The following ANKRD44 variants were observed in gnomAD, a reference collection of about 807,000 sequenced individuals.
ANKRD44 encodes the protein ankyrin repeat domain 44, also known as serine/threonine-protein phosphatase 6 regulatory ankyrin repeat subunit B.
Under a neutral mutation model 116.0 loss-of-function variants are expected in ANKRD44, and 35 were observed. The observed-to-expected ratio is 0.30, with a 90% CI of 0.23 to 0.40. ANKRD44 has a LOEUF of 0.40. ANKRD44 is among the 10% of genes least tolerant of loss of function. The pLI is 1.00. For synonymous variants in ANKRD44, 435 were observed against 461.8 expected (o/e 0.94, Z 0.74); for missense variants, 1,014 against 1,242.6 (o/e 0.82, Z 2.77).
chr2:197,147,575 CTTG>C (rs1189086267), intron 2 of ANKRD44, among the ~76,000 whole-genome samples: 1 of 152,012 alleles, frequency 6.6e-6, no homozygotes, highest in African/African-American at 2.4e-5. Flanking sequence ...CCTTTCTATG[CTTG>C]TTAATTGTTG....
At chr2:197,040,225 G>A (rs1042048277) in intron 16 of ANKRD44, among the ~76,000 whole-genome samples, 1 of 150,010 alleles carries the variant, frequency 6.7e-6, no homozygotes, top group African/African-American at 2.5e-5. Flanking sequence ...GCAACAGAGC[G>A]AGGCGAGACA....
At chr2:197,237,999 C>T (rs2082011727) in intron 1 of ANKRD44, among the ~76,000 whole-genome samples, 1 of 152,206 alleles carries the variant, frequency 6.6e-6, no homozygotes. Flanking sequence ...TCCAATTCAC[C>T]TTTCACATCT....
chr2:197,272,719 T>C (rs1451151149), intron 1 of ANKRD44, among the ~76,000 whole-genome samples: 2 of 152,150 alleles, frequency 1.3e-5, no homozygotes, highest in Non-Finnish European at 2.9e-5. Context: ...TTCCATCATG[T>C]GAGGACGCAG....
chr2:196,997,780 T>C (rs1356813394), intron 25 of ANKRD44, among the ~76,000 whole-genome samples: 2 of 150,330 alleles, frequency 1.3e-5, no homozygotes, highest in Non-Finnish European at 3.0e-5. Context: ...GAAGGAATCT[T>C]GAGCAACATG....
At position 197,225,727 on chromosome 2, in the gene ANKRD44, C is replaced by A. The variant is rs182203112; in HGVS notation, c.28-38621G>T. On this transcript the variant is annotated intron_variant, in intron 1 of 27. Coordinates refer to ENST00000282272, the MANE Select transcript of ANKRD44 (RefSeq NM_001195144.2). ...GAAGAATAATTTACTTTTAGAAGGA[C>A]TGGAATTTTAACCCAGAAACAGACC... 4.6e-4 allele frequency among the ~76,000 whole-genome samples: 70 copies of A among 152,310 alleles called. 1 individual carries two copies. In the East Asian group the frequency reaches 8.1e-3, roughly 18 times the overall value.
At position 197,052,964 on chromosome 2, in the gene ANKRD44, G is replaced by T. The variant is rs536811605; in HGVS notation, c.1650+25739C>A. 7.9e-5 allele frequency among the ~76,000 whole-genome samples: 12 copies of T among 152,286 alleles called. No individual in the cohort carries two copies. The South Asian group carries it at 2.1e-3, about 26-fold the overall frequency. ...GTGGGCAGATCACCTGAGGTCAGGA[G>T]TTTGAGACCAGCCTGGCCAAAACAG... On this transcript the variant is annotated intron_variant, in intron 16 of 27. Coordinates refer to ENST00000282272, the MANE Select transcript of ANKRD44 (RefSeq NM_001195144.2).
At chr2:197,085,074 C>T (rs2077888809) in intron 13 of ANKRD44, among the ~76,000 whole-genome samples, 1 of 152,180 alleles carries the variant, frequency 6.6e-6, no homozygotes, top group Admixed American at 6.5e-5. Context: ...GATTGTTCAG[C>T]AGTTTTTCTG....
At chr2:197,210,790 G>T (rs2081307363) in intron 1 of ANKRD44, among the ~76,000 whole-genome samples, 1 of 152,146 alleles carries the variant, frequency 6.6e-6, no homozygotes, top group African/African-American at 2.4e-5. Context: ...TTCAAAGGGG[G>T]TCAGAAACAG....
chr2:197,266,765 C>T (rs1394316888), intron 1 of ANKRD44, among the ~76,000 whole-genome samples: 1 of 151,998 alleles, frequency 6.6e-6, no homozygotes, highest in Non-Finnish European at 1.5e-5. Flanking sequence ...GTAAGTCAAG[C>T]ACCTCAGAGG....
intron 1 of ANKRD44, among the ~76,000 whole-genome samples, chr2:197,288,516 A>G (rs932677436): frequency 1.3e-5 from 2 of 152,214 alleles, no homozygotes; most frequent in Admixed American, 6.5e-5. Context: ...ACCACTATGT[A>G]AAAGGGATAG....
At chr2:197,171,352 C>G (rs2080229512) in intron 2 of ANKRD44, among the ~76,000 whole-genome samples, 1 of 152,132 alleles carries the variant, frequency 6.6e-6, no homozygotes, top group Non-Finnish European at 1.5e-5. Flanking sequence ...CAGCAGCTCT[C>G]AAGTAGAGGG....
chr2:197,124,174 T>A (rs960138915), intron 6 of ANKRD44, among the ~76,000 whole-genome samples: 22 of 152,218 alleles, frequency 1.4e-4, no homozygotes, highest in African/African-American at 4.6e-4. Context: ...CTTTTTTTTT[T>A]AAATGCTAAT....
rs535431630 is a variant in ANKRD44 at position 197,199,946 on chromosome 2, C to G, written c.28-12840G>C. On this transcript the variant is annotated intron_variant, in intron 1 of 27. Coordinates refer to ENST00000282272, the MANE Select transcript of ANKRD44 (RefSeq NM_001195144.2). ...AGTTTGTACCACAACAAACAAGCCT[C>G]TATCAGTGCTTATCCACATTGCACA... Among the ~76,000 whole-genome samples, 3 of 152,306 alleles carry G rather than the reference C, an allele frequency of 2.0e-5. No individual in the cohort carries two copies. The East Asian group carries it at 5.8e-4, about 29-fold the overall frequency.
chr2:197,153,219 C>T (rs1344587423), intron 2 of ANKRD44, among the ~76,000 whole-genome samples: 2 of 76,668 alleles, frequency 2.6e-5, no homozygotes, highest in African/African-American at 1.0e-4. Flanking sequence ...CAGAGCAAGA[C>T]CCTGCCAAAA....
At chr2:197,164,605 C>T (rs2080059735) in intron 2 of ANKRD44, among the ~76,000 whole-genome samples, 5 of 152,298 alleles carry the variant, frequency 3.3e-5, no homozygotes, top group Admixed American at 3.3e-4. Context: ...TCCCCTGCTG[C>T]TGCGGGGTTC....
At chr2:197,202,675 G>C (rs2081119485) in intron 1 of ANKRD44, among the ~76,000 whole-genome samples, 1 of 152,078 alleles carries the variant, frequency 6.6e-6, no homozygotes, top group Non-Finnish European at 1.5e-5. Context: ...CTGGGGTCAG[G>C]TGAGCCTCCC....
intron 21 of ANKRD44, among the ~76,000 whole-genome samples, chr2:196,969,784 T>C (rs192212119): frequency 6.6e-6 from 1 of 152,354 alleles, no homozygotes; most frequent in Admixed American, 6.5e-5. Flanking sequence ...AATCATTCTA[T>C]TTAATGCTAC....
chr2:197,079,528 G>T (rs1011685034), intron 15 of ANKRD44, among the ~76,000 whole-genome samples: 3 of 152,206 alleles, frequency 2.0e-5, no homozygotes, highest in African/African-American at 7.2e-5. Flanking sequence ...TCACTGAAGA[G>T]CCCAAAACTC....
intron 8 of ANKRD44, among the ~76,000 whole-genome samples, chr2:197,114,961 G>A (rs10804080): frequency 0.63 from 95,389 of 152,060 alleles, 33,821 homozygotes; most frequent in East Asian, 0.95. Context: ...CTTCTCCAAC[G>A]TTCTAAGTAC....
Sources: allele counts gnomAD v4.1 joint callset (sites outside exome capture counted in the v4.1 genomes callset), GRCh38; gene constraint gnomAD v4.1.1; transcripts MANE v1.5; gene names NCBI Gene and HGNC (gene_info 2026-07-23, HGNC 2026-07-21).